Variants in PRH1 observed in about 807,000 individuals in gnomAD.
PRH1 encodes salivary acidic proline-rich phosphoprotein 1/2.
PRH1 carries 7 observed loss-of-function variants against 7.9 expected under a neutral mutation model. The ratio of observed to expected loss-of-function variants is 0.89; its 90% CI spans 0.50 to 1.67. The LOEUF (loss-of-function observed/expected upper bound fraction) is 1.67. Ranked by LOEUF, PRH1 falls within the 40% of genes most tolerant of loss-of-function variation. The pLI, the probability that PRH1 is intolerant of heterozygous loss-of-function variation, is 0.00. For missense variants in PRH1, 109 were observed against 223.6 expected (o/e 0.49, Z 3.27); for synonymous variants, 45 against 80.8 (o/e 0.56, Z 2.38).
chr12:11,117,423 A>C (rs1394589997), downstream of PRH1, among the ~76,000 whole-genome samples: 5 of 152,244 alleles, frequency 3.3e-5, no homozygotes, highest in Middle Eastern at 3.4e-3. Context: ...AAGGACACCC[A>C]AAAAAAGAAA....
At chr12:10,997,708 A>C (rs1413279352) in intron 1 of PRH1, 16 of 1,613,758 alleles carry the variant, frequency 9.9e-6, no homozygotes, top group Non-Finnish European at 1.3e-5. Context: ...AGAGCAAACC[A>C]ACTCTGGAGA....
intron 2 of PRH1, among the ~76,000 whole-genome samples, chr12:10,952,060 T>A (rs1937701320): frequency 6.6e-6 from 1 of 152,208 alleles, no homozygotes; most frequent in Non-Finnish European, 1.5e-5. Flanking sequence ...CTTTGGATAG[T>A]CTTTATGAAG....
chr12:11,072,146 G>T (rs1366790476), intron 1 of PRH1, among the ~76,000 whole-genome samples: 2 of 152,108 alleles, frequency 1.3e-5, no homozygotes, highest in African/African-American at 4.8e-5. Flanking sequence ...TTTTGTTGTT[G>T]TTTTTTCTTT....
chr12:10,963,837 G>C (rs1255870348), intron 2 of PRH1, among the ~76,000 whole-genome samples: 1 of 152,066 alleles, frequency 6.6e-6, no homozygotes, highest in African/African-American at 2.4e-5. Context: ...TTTGTGCATA[G>C]TTTTCTAACA....
At chr12:10,891,820 C>T (rs1160071038) in intron 2 of PRH1, 1 of 152,186 alleles carries the variant, frequency 6.6e-6, no homozygotes, top group Non-Finnish European at 1.5e-5. Flanking sequence ...AAAGAGAAAT[C>T]TCAAAATTAG....
At chr12:11,075,138 C>T (rs200019497) in intron 1 of PRH1, among the ~76,000 whole-genome samples, 1 of 118,004 alleles carries the variant, frequency 8.5e-6, no homozygotes, top group Admixed American at 8.9e-5. Flanking sequence ...CATTCAGTTG[C>T]ATCACTTTTC....
chr12:10,904,196 C>CA (rs1565461001), intron 2 of PRH1, among the ~76,000 whole-genome samples: 1 of 150,860 alleles, frequency 6.6e-6, no homozygotes, highest in Non-Finnish European at 1.5e-5. Context: ...CATATAAAAC[C>CA]AAAAAAAGAG....
intron 1 of PRH1, among the ~76,000 whole-genome samples, chr12:11,046,108 TGAAAGA>T (rs961518785): frequency 1.3e-5 from 2 of 152,150 alleles, no homozygotes; most frequent in African/African-American, 4.8e-5. Flanking sequence ...GTTTTCTCCT[TGAAAGA>T]GAATTACTTT....
chr12:10,886,752 T>G (rs1949498282), upstream of PRH1, among the ~76,000 whole-genome samples: 1 of 152,218 alleles, frequency 6.6e-6, no homozygotes, highest in African/African-American at 2.4e-5. Context: ...TCTCGGTCAC[T>G]GACAGGTGTT....
At chr12:10,980,985 G>C (rs771264160) in intron 1 of PRH1, among the ~76,000 whole-genome samples, 1 of 152,152 alleles carries the variant, frequency 6.6e-6, no homozygotes, top group Non-Finnish European at 1.5e-5. Flanking sequence ...TTCATACTTT[G>C]CTAAATAATT....
chr12:10,960,453 C>G (rs148367777), intron 2 of PRH1, among the ~76,000 whole-genome samples: 229 of 152,318 alleles, frequency 1.5e-3, no homozygotes, highest in African/African-American at 5.1e-3. Flanking sequence ...GGATGTGGTA[C>G]CTTCACTGAG....
chr12:10,970,207 G>T lies in PRH1; in HGVS notation c.-59+3448C>A, dbSNP rs188131173. Among the ~76,000 whole-genome samples, 721 of 152,190 alleles carry T rather than the reference G, an allele frequency of 4.7e-3. 5 individuals carry two copies. The highest frequency in any genetic ancestry group is 0.017 in the African/African-American group (695 of 41,516). ...ACACTTTAACACATTTAACTTTCTG[G>T]TTTTTTCTCTAATAGAGAGCCAAAA... is the stretch of plus-strand genomic sequence containing the variant. On this transcript the variant is annotated intron_variant, in intron 2 of 3. Coordinates refer to the PRH1 transcript ENST00000539853.
intron 1 of PRH1, among the ~76,000 whole-genome samples, chr12:11,094,447 T>A (rs7304814): frequency 0.56 from 63,453 of 112,408 alleles, 27,369 homozygotes; most frequent in East Asian, 0.95. Context: ...AATATGTACA[T>A]CCTTGTTGTG....
intron 1 of PRH1, among the ~76,000 whole-genome samples, chr12:11,035,981 TC>T (rs975273408): frequency 9.9e-5 from 15 of 152,148 alleles, no homozygotes; most frequent in South Asian, 4.2e-4. Flanking sequence ...GCAAGCTCTG[TC>T]CCCCGGGTTC....
chr12:10,997,569 T>C, intron 1 of PRH1: 5 of 1,614,100 alleles, frequency 3.1e-6, no homozygotes, highest in Non-Finnish European at 4.2e-6. Context: ...TAAAATATGC[T>C]GAGGCTAGTA....
intron 2 of PRH1, among the ~76,000 whole-genome samples, chr12:10,953,984 G>A (rs749841926): frequency 3.9e-5 from 6 of 152,048 alleles, no homozygotes; most frequent in Admixed American, 1.3e-4. Context: ...AAGAATGTCC[G>A]ACCAAGAATT....
intron 1 of PRH1, among the ~76,000 whole-genome samples, chr12:11,161,103 A>G (rs1947400805): frequency 6.6e-6 from 1 of 152,144 alleles, no homozygotes; most frequent in Non-Finnish European, 1.5e-5. Flanking sequence ...AAAATTTGCC[A>G]TGCATCCTCC....
At chr12:11,012,622 T>C (rs988514524) in intron 1 of PRH1, among the ~76,000 whole-genome samples, 6 of 152,138 alleles carry the variant, frequency 3.9e-5, no homozygotes, top group African/African-American at 1.4e-4. Flanking sequence ...TGGAGTGCAG[T>C]GGTAGTTCAC....
At chr12:10,950,853 G>GA (rs35176868) in intron 2 of PRH1, among the ~76,000 whole-genome samples, 32 of 146,590 alleles carry the variant, frequency 2.2e-4, no homozygotes, top group South Asian at 1.5e-3. Flanking sequence ...TACTAGTTTG[G>GA]AAAAAAAAAA....
Sources: gnomAD v4.1 joint callset for allele counts (sites outside exome capture counted in the v4.1 genomes callset) on GRCh38, gnomAD v4.1.1 for gene constraint, MANE v1.5 for transcripts, NCBI Gene and HGNC (gene_info 2026-07-23, HGNC 2026-07-21) for gene names.